Variants in COX7B2 observed in about 807,000 individuals in gnomAD.
COX7B2 encodes cytochrome c oxidase subunit 7B2, also known as cytochrome c oxidase subunit 7B2, mitochondrial.
For synonymous variants in COX7B2, 37 were observed against 32.1 expected, an observed-to-expected ratio of 1.15 and a Z score of -0.51; for missense variants, 109 against 95.9, an observed-to-expected ratio of 1.14 and a Z score of -0.57.
intron 1 of COX7B2, among the ~76,000 whole-genome samples, chr4:46,887,482 C>A (rs1719145610): frequency 6.6e-6 from 1 of 151,994 alleles, no homozygotes; most frequent in Non-Finnish European, 1.5e-5. Flanking sequence ...GAGGCCAAGG[C>A]AGGTTGATCA....
chr4:46,880,746 A>G (rs1359477826), intron 1 of COX7B2, among the ~76,000 whole-genome samples: 1 of 150,890 alleles, frequency 6.6e-6, no homozygotes, highest in Non-Finnish European at 1.5e-5. Context: ...CGCAAGAACA[A>G]AAAACCAAAC....
intron 1 of COX7B2, among the ~76,000 whole-genome samples, chr4:46,890,520 A>T (rs1485974985): frequency 1.3e-5 from 2 of 152,194 alleles, no homozygotes; most frequent in Non-Finnish European, 2.9e-5. Flanking sequence ...TCTCTCACAG[A>T]TCTTACATTT....
At chr4:46,749,095 G>T (rs1715191982) in intron 2 of COX7B2, among the ~76,000 whole-genome samples, 1 of 151,986 alleles carries the variant, frequency 6.6e-6, no homozygotes, top group African/African-American at 2.4e-5. Context: ...CATCCTTTAT[G>T]ATTTTGTTTC....
intron 1 of COX7B2, among the ~76,000 whole-genome samples, chr4:46,892,347 A>G (rs1719477006): frequency 6.6e-6 from 1 of 152,220 alleles, no homozygotes; most frequent in Non-Finnish European, 1.5e-5. Flanking sequence ...GACAGTATAG[A>G]CAGACATGTT....
chr4:46,751,882 G>T (rs1361852803), intron 2 of COX7B2, among the ~76,000 whole-genome samples: 2 of 151,170 alleles, frequency 1.3e-5, no homozygotes, highest in African/African-American at 4.9e-5. Flanking sequence ...TTTGGCTTAG[G>T]ATTGACTTGG....
chr4:46,901,235 A>G (rs531229886), intron 1 of COX7B2, among the ~76,000 whole-genome samples: 1 of 152,320 alleles, frequency 6.6e-6, no homozygotes, highest in South Asian at 2.1e-4. Flanking sequence ...TGAATATTAA[A>G]CATGGACTGC....
At chr4:46,852,559 C>T (rs886127139) in intron 1 of COX7B2, among the ~76,000 whole-genome samples, 4 of 150,260 alleles carry the variant, frequency 2.7e-5, no homozygotes, top group African/African-American at 9.9e-5. Context: ...TATGAATACA[C>T]AAATACACAC....
intron 2 of COX7B2, among the ~76,000 whole-genome samples, chr4:46,836,114 C>CATT (rs1715497072): frequency 1.3e-5 from 2 of 152,236 alleles, no homozygotes; most frequent in South Asian, 4.1e-4. Context: ...AGACCTAGAA[C>CATT]ATTACTGTAC....
intron 2 of COX7B2, among the ~76,000 whole-genome samples, chr4:46,782,999 T>C (rs1243035873): frequency 6.6e-6 from 1 of 152,248 alleles, no homozygotes; most frequent in Non-Finnish European, 1.5e-5. Context: ...ATATTTGGCT[T>C]AATTCTTTAT....
At chr4:46,847,892 C>T (rs1249596797) in intron 1 of COX7B2, among the ~76,000 whole-genome samples, 1 of 151,988 alleles carries the variant, frequency 6.6e-6, no homozygotes, top group Non-Finnish European at 1.5e-5. Context: ...ACTTCCACTC[C>T]AGCCTCAAGG....
intron 2 of COX7B2, among the ~76,000 whole-genome samples, chr4:46,824,929 T>C (rs1175851522): frequency 6.6e-6 from 1 of 152,024 alleles, no homozygotes; most frequent in African/African-American, 2.4e-5. Flanking sequence ...AACGTTATAT[T>C]GAATAGGCAA....
intron 2 of COX7B2, among the ~76,000 whole-genome samples, chr4:46,797,719 A>C (rs1402567537): frequency 2.0e-5 from 3 of 152,198 alleles, no homozygotes; most frequent in Non-Finnish European, 4.4e-5. Flanking sequence ...CCTGTAAAGA[A>C]GACAGATGGA....
chr4:46,808,166 A>G lies in COX7B2; in HGVS notation c.-50+36794T>C, dbSNP rs562138306. Among the ~76,000 whole-genome samples, 18 of 151,920 alleles carry G rather than the reference A, an allele frequency of 1.2e-4. No individual in the cohort carries two copies. The South Asian group carries it at 3.7e-3, about 31-fold the overall frequency. ...CTTCTTATCCATGATAACAAGGTAC[A>G]TTTCTATTTATTTGTGTCTTTTCAA... On this transcript the variant is annotated intron_variant, in intron 2 of 2. Transcript: ENST00000355591.
At chr4:46,784,966 G>C (rs1007960657) in intron 2 of COX7B2, among the ~76,000 whole-genome samples, 4 of 152,096 alleles carry the variant, frequency 2.6e-5, no homozygotes, top group African/African-American at 9.6e-5. Flanking sequence ...TGTTTACTAA[G>C]GGAAATAATT....
intron 2 of COX7B2, among the ~76,000 whole-genome samples, chr4:46,761,147 C>T (rs1184110318): frequency 6.6e-6 from 1 of 152,138 alleles, no homozygotes; most frequent in Non-Finnish European, 1.5e-5. Context: ...AGGACCTGAG[C>T]TCTATCTCAA....
chr4:46,816,304 C>T (rs561065694), intron 2 of COX7B2, among the ~76,000 whole-genome samples: 14 of 152,118 alleles, frequency 9.2e-5, no homozygotes, highest in Admixed American at 9.2e-4. Context: ...CCTTTCTGGC[C>T]TCTAGTTATG....
At chr4:46,739,056 C>T (rs1031816331) in intron 2 of COX7B2, among the ~76,000 whole-genome samples, 4 of 151,982 alleles carry the variant, frequency 2.6e-5, no homozygotes, top group African/African-American at 7.2e-5. Context: ...AATTTCAAAT[C>T]GCTGAAGGCT....
Position 46,841,388 on chromosome 4 carries a change from G to A in COX7B2, c.-50+3572C>T, listed in dbSNP as rs1277161695. Among the ~76,000 whole-genome samples, 8 of 146,024 alleles carry A rather than the reference G, an allele frequency of 5.5e-5. No individual in the cohort carries two copies. In the East Asian group the frequency reaches 1.7e-3, roughly 31 times the overall value. ...GTGTGTGTGTGTTTAAGATGGGCTG[G>A]CAGGAGATGCCACTGTAGGGCAGAA... On this transcript the variant is annotated intron_variant, in intron 2 of 2. Transcript: ENST00000355591.
At chr4:46,792,922 G>A (rs1044902553) in intron 2 of COX7B2, among the ~76,000 whole-genome samples, 2 of 152,148 alleles carry the variant, frequency 1.3e-5, no homozygotes, top group African/African-American at 4.8e-5. Flanking sequence ...TGGCAATAGA[G>A]ATACACAAAA....
Sources: allele counts gnomAD v4.1 joint callset (sites outside exome capture counted in the v4.1 genomes callset), GRCh38; gene constraint gnomAD v4.1.1; transcripts MANE v1.5; gene names NCBI Gene and HGNC (gene_info 2026-07-23, HGNC 2026-07-21).